Variants in TDRD3 observed in about 807,000 individuals in gnomAD.
TDRD3 encodes the protein tudor domain-containing protein 3.
A neutral mutation model predicts 86.7 loss-of-function variants in TDRD3; 45 were observed. The ratio of observed to expected loss-of-function variants is 0.52; its 90% CI spans 0.41 to 0.67. The LOEUF is 0.67. Ranked by LOEUF, TDRD3 falls within the 30% of genes least tolerant of loss-of-function variation. TDRD3 has a pLI of 0.00. For missense variants in TDRD3, 814 were observed against 889.0 expected (o/e 0.92, Z 1.07); for synonymous variants, 298 against 301.7 (o/e 0.99, Z 0.13).
chr13:60,453,402 A>G (rs867129036), intron 3 of TDRD3, among the ~76,000 whole-genome samples: 1 of 152,220 alleles, frequency 6.6e-6, no homozygotes, highest in Non-Finnish European at 1.5e-5. Context: ...CAATACATAT[A>G]TAAATTAGAG....
intron 11 of TDRD3, among the ~76,000 whole-genome samples, chr13:60,534,286 C>T (rs907442852): frequency 6.6e-6 from 1 of 152,046 alleles, no homozygotes; most frequent in Non-Finnish European, 1.5e-5. Context: ...GCATTCCAGC[C>T]TGGGCAACAG....
At chr13:60,544,260 A>G (rs1957884494) in intron 12 of TDRD3, among the ~76,000 whole-genome samples, 2 of 151,786 alleles carry the variant, frequency 1.3e-5, no homozygotes, top group African/African-American at 2.4e-5. Context: ...ACATAGCAAG[A>G]CCCTTACTTT....
intron 9 of TDRD3, 49 bp downstream of exon 9, chr13:60,509,968 G>A (rs1215988231): frequency 1.3e-6 from 2 of 1,580,974 alleles, no homozygotes; most frequent in South Asian, 1.2e-5. Context: ...GCTTTTCAGA[G>A]TAATATATGT....
Position 60,512,802 on chromosome 13 carries a change from T to C in TDRD3, c.1141+2047T>C, listed in dbSNP as rs190885180. 4.6e-5 allele frequency among the ~76,000 whole-genome samples: 7 copies of C among 152,274 alleles called. No individual in the cohort carries two copies. The East Asian group carries it at 1.4e-3, about 29-fold the overall frequency. ...CTCTGTGACTTTGCAGGATACAGCCTCCCTCCCAGCTGCTTTAATGGGCTG... is the reference window on the plus strand; with the variant it reads ...CTCTGTGACTTTGCAGGATACAGCCCCCCTCCCAGCTGCTTTAATGGGCTG... On this transcript the variant is annotated intron_variant, in intron 10 of 13. Transcript: ENST00000377881.
intron 3 of TDRD3, among the ~76,000 whole-genome samples, chr13:60,445,363 T>C (rs1333533177): frequency 6.6e-6 from 1 of 152,222 alleles, no homozygotes; most frequent in East Asian, 1.9e-4. Flanking sequence ...TAAATAATTA[T>C]ATACGTGAAG....
chr13:60,506,135 A>C (rs181912894), intron 8 of TDRD3, among the ~76,000 whole-genome samples: 1 of 152,314 alleles, frequency 6.6e-6, no homozygotes, highest in African/African-American at 2.4e-5. Flanking sequence ...CCAGAGAGAA[A>C]GGTCAGGTTA....
intron 5 of TDRD3, among the ~76,000 whole-genome samples, chr13:60,470,690 C>T (rs1229520612): frequency 6.7e-6 from 1 of 148,850 alleles, no homozygotes; most frequent in Non-Finnish European, 1.5e-5. Context: ...TTCAAGCGAT[C>T]TCCTGTCTCA....
chr13:60,496,914 G>C (rs1012002977), intron 8 of TDRD3, among the ~76,000 whole-genome samples: 2 of 152,170 alleles, frequency 1.3e-5, no homozygotes, highest in Non-Finnish European at 2.9e-5. Flanking sequence ...TGGCCTCATG[G>C]ATTCTAAGGA....
intron 1 of TDRD3, among the ~76,000 whole-genome samples, chr13:60,404,311 CTTTTT>C (rs750395505): frequency 1.5e-5 from 2 of 135,482 alleles, no homozygotes; most frequent in South Asian, 2.3e-4. Context: ...GGTTTGTTTG[CTTTTT>C]TTTTTTTTTT....
At position 60,481,404 on chromosome 13, in the gene TDRD3, AT is replaced by A. The variant is rs575248811; in HGVS notation, c.496-2367del. Among the ~76,000 whole-genome samples the A allele has an allele frequency of 4.3e-4, 63 of 147,740 alleles. 1 individual carries two copies. The South Asian group carries it at 0.012, about 27-fold the overall frequency. ...TTACACATACATTAGACTGCTGGTA[AT>A]TTTCCAACCAGTCACTGAAGATCTA... On this transcript the variant is annotated intron_variant, in intron 5 of 13. Coordinates refer to ENST00000377881, the MANE Select transcript of TDRD3 (RefSeq NM_001146070.2).
At chr13:60,406,980 A>C (rs1041747516) in intron 1 of TDRD3, among the ~76,000 whole-genome samples, 2 of 152,222 alleles carry the variant, frequency 1.3e-5, no homozygotes, top group African/African-American at 4.8e-5. Context: ...GACCATGAAG[A>C]GTTTAAAAAT....
chr13:60,567,785 G>A (rs561355691), intron 13 of TDRD3, 135 bp downstream of exon 13: 141 of 1,148,068 alleles, frequency 1.2e-4, no homozygotes, highest in Middle Eastern at 4.8e-4. Flanking sequence ...GTGCAGTGGC[G>A]TGATCTCGGC....
chr13:60,439,849 G>T, intron 2 of TDRD3, 77 bp downstream of exon 2: 2 of 954,640 alleles, frequency 2.1e-6, no homozygotes, highest in Non-Finnish European at 3.0e-6. Flanking sequence ...AGTAAATTGG[G>T]TTATATGATA....
intron 7 of TDRD3, among the ~76,000 whole-genome samples, chr13:60,491,160 C>T (rs1039468666): frequency 2.0e-5 from 3 of 150,772 alleles, no homozygotes; most frequent in Non-Finnish European, 4.4e-5. Context: ...AAGAGTTTTA[C>T]CCAGAGAAAT....
At chr13:60,485,984 T>C (rs748178461) in intron 7 of TDRD3, 36 bp downstream of exon 7, 2 of 1,560,376 alleles carry the variant, frequency 1.3e-6, no homozygotes, top group Non-Finnish European at 1.7e-6. Context: ...TTATTTCTTA[T>C]CATTATGTTC....
chr13:60,508,755 C>A (rs1402228013), intron 8 of TDRD3, among the ~76,000 whole-genome samples: 1 of 152,134 alleles, frequency 6.6e-6, no homozygotes, highest in Non-Finnish European at 1.5e-5. Flanking sequence ...ACTAAGCAAA[C>A]TGATCACTGT....
intron 5 of TDRD3, among the ~76,000 whole-genome samples, chr13:60,474,309 A>G (rs1956136883): frequency 1.3e-5 from 2 of 152,164 alleles, no homozygotes; most frequent in South Asian, 4.1e-4. Context: ...CTTGTATCCA[A>G]TAAATAACAG....
chr13:60,467,929 C>A (rs994993048), intron 5 of TDRD3, among the ~76,000 whole-genome samples: 1 of 152,152 alleles, frequency 6.6e-6, no homozygotes, highest in Non-Finnish European at 1.5e-5. Flanking sequence ...TGATCCATTG[C>A]AGTCAAATCT....
chr13:60,528,549 G>T lies in TDRD3; in HGVS notation c.1324G>T (p.Gly442Cys), dbSNP rs1229720521. 6.2e-7 allele frequency: 1 copy of T among 1,613,866 alleles called. No individual in the cohort carries two copies. The highest frequency in any genetic ancestry group is 1.3e-5 in the African/African-American group (1 of 74,896). The change falls in exon 11 of 14, where the codon GGC becomes TGC. Residue 442 changes from glycine (G) to cysteine (C), a missense_variant. Gly to Cys is a radical substitution (Grantham distance 159). Coordinates refer to ENST00000377881, the MANE Select transcript of TDRD3 (RefSeq NM_001146070.2). ...CCAAAATTCAAAGTCAGTTTTAGAA[G>T]GCAGTGGATTACCTAGAAATAGAGG... Reference protein sequence around the residue: ...DSQNSKSVLEGSGLPRNRGSE... With the variant: ...DSQNSKSVLECSGLPRNRGSE...
Sources: allele counts gnomAD v4.1 joint callset (sites outside exome capture counted in the v4.1 genomes callset), GRCh38; gene constraint gnomAD v4.1.1; transcripts MANE v1.5; gene names NCBI Gene and HGNC (gene_info 2026-07-23, HGNC 2026-07-21).